Variants in RRM2B observed in about 807,000 individuals in gnomAD.
RRM2B encodes the protein ribonucleoside-diphosphate reductase subunit M2 B.
RRM2B carries 20 observed loss-of-function variants against 45.9 expected under a neutral mutation model. The observed-to-expected ratio is 0.44, with a 90% CI of 0.31 to 0.63. RRM2B has a LOEUF of 0.63. Ranked by LOEUF, RRM2B falls within the 30% of genes least tolerant of loss-of-function variation. RRM2B has a pLI of 0.09. For synonymous variants in RRM2B, 124 were observed against 132.3 expected, an observed-to-expected ratio of 0.94 and a Z score of 0.43; for missense variants, 320 against 414.7, an observed-to-expected ratio of 0.77 and a Z score of 1.98.
chr8:102,207,113 T>C lies in RRM2B; in HGVS notation c.*1020A>G, dbSNP rs1397771221. 1 of 152,218 alleles carries C rather than the reference T, an allele frequency of 6.6e-6. No homozygotes were observed. Among genetic ancestry groups the C allele is most frequent in the Non-Finnish European group, 1.5e-5 (1 of 68,028 alleles). 9.4% of individuals were successfully genotyped at this position (152,218 alleles called of 1,614,324 possible). ...GAGATGTTAACAGGTAAAAAACATC[T>C]GTGTTAAGTATGTTGGGAATATGCA... On this transcript the variant is annotated 3_prime_UTR_variant, in exon 9 of 9. Transcript: ENST00000251810.
intron 8 of RRM2B, among the ~76,000 whole-genome samples, chr8:102,212,528 C>T (rs1810652803): frequency 6.6e-6 from 1 of 152,146 alleles, no homozygotes; most frequent in South Asian, 2.1e-4. Flanking sequence ...ATTAAATATA[C>T]AGCTACAATT....
chr8:102,235,413 A>C (rs948060547), intron 1 of RRM2B, among the ~76,000 whole-genome samples: 1 of 152,208 alleles, frequency 6.6e-6, no homozygotes, highest in African/African-American at 2.4e-5. Context: ...TAAATAAATA[A>C]ATCAGACAAA....
At chr8:102,232,724 A>AC (rs11417581) in intron 1 of RRM2B, among the ~76,000 whole-genome samples, 85,666 of 151,980 alleles carry the variant, frequency 0.56, 24,854 homozygotes, top group African/African-American at 0.71. Context: ...CCTCTCTGAT[A>AC]AGATTGCTGG....
At chr8:102,223,683 G>A (rs915008663) in intron 5 of RRM2B, among the ~76,000 whole-genome samples, 1 of 129,178 alleles carries the variant, frequency 7.7e-6, no homozygotes, top group Non-Finnish European at 1.6e-5. Flanking sequence ...GTGACAGAGC[G>A]AGACTCCGTC....
chr8:102,214,249 G>T, intron 6 of RRM2B, 91 bp from the exon 7 acceptor site: 1 of 864,932 alleles, frequency 1.2e-6, no homozygotes. Context: ...AGTGGTTCTA[G>T]GAATATAACA....
intron 1 of RRM2B, among the ~76,000 whole-genome samples, chr8:102,237,225 G>T (rs978460017): frequency 6.6e-6 from 1 of 152,202 alleles, no homozygotes. Context: ...TTAACTCTGA[G>T]AAATTGACAA....
chr8:102,210,708 CT>C (rs2132541727), intron 8 of RRM2B, among the ~76,000 whole-genome samples: 2 of 152,254 alleles, frequency 1.3e-5, no homozygotes, highest in African/African-American at 4.8e-5. Flanking sequence ...GGTGATCCAC[CT>C]GCCTCAGCTT....
chr8:102,223,695 CAA>C (rs764014539), intron 5 of RRM2B, among the ~76,000 whole-genome samples: 98 of 74,680 alleles, frequency 1.3e-3, no homozygotes, highest in African/African-American at 2.5e-3. Context: ...GACTCCGTCT[CAA>C]AAAAAAAAAA....
chr8:102,214,377 G>C, intron 6 of RRM2B: 1 of 549,132 alleles, frequency 1.8e-6, no homozygotes. Context: ...GCAAATCTTA[G>C]TTCATCAACA....
At chr8:102,237,991 ATT>A (rs1053047163) in intron 1 of RRM2B, among the ~76,000 whole-genome samples, 3 of 152,212 alleles carry the variant, frequency 2.0e-5, no homozygotes, top group African/African-American at 4.8e-5. Context: ...TACAAAAAGC[ATT>A]TCTCTTGTCC....
intron 8 of RRM2B, among the ~76,000 whole-genome samples, chr8:102,211,848 T>C (rs1810641290): frequency 6.6e-6 from 1 of 152,210 alleles, no homozygotes; most frequent in South Asian, 2.1e-4. Context: ...CACTTGACTT[T>C]TTCATTAAGT....
At chr8:102,238,599 G>T in intron 1 of RRM2B, 1 of 1,527,100 alleles carries the variant, frequency 6.5e-7, no homozygotes, top group East Asian at 2.5e-5. Flanking sequence ...GGCTGGCCCC[G>T]GGGCAGAGCA....
intron 7 of RRM2B, 133 bp from the exon 8 acceptor site, chr8:102,213,022 C>A: frequency 1.5e-6 from 1 of 664,814 alleles, no homozygotes; most frequent in Non-Finnish European, 2.7e-6. Flanking sequence ...TAAATTCTTT[C>A]AATGTGGCAA....
intron 2 of RRM2B, among the ~76,000 whole-genome samples, chr8:102,229,594 GT>G (rs34779801): frequency 6.6e-6 from 1 of 151,520 alleles, no homozygotes; most frequent in Non-Finnish European, 1.5e-5. Context: ...AACCCCTCAG[GT>G]TTTTTTTCGG....
intron 8 of RRM2B, among the ~76,000 whole-genome samples, chr8:102,210,238 G>A (rs1187239343): frequency 6.6e-6 from 1 of 152,162 alleles, no homozygotes; most frequent in Non-Finnish European, 1.5e-5. Context: ...GGGTGTGGCT[G>A]AGTGAAATTC....
intron 2 of RRM2B, among the ~76,000 whole-genome samples, chr8:102,226,603 G>C (rs2607658): frequency 1.8e-4 from 28 of 151,938 alleles, no homozygotes; most frequent in Non-Finnish European, 3.8e-4. Flanking sequence ...TATATAATAT[G>C]TGCTATGGTG....
intron 2 of RRM2B, among the ~76,000 whole-genome samples, chr8:102,227,753 G>T: frequency 6.6e-6 from 1 of 152,210 alleles, no homozygotes; most frequent in Non-Finnish European, 1.5e-5. Flanking sequence ...AGCATGGTTG[G>T]GTTATTGGTG....
Position 102,228,035 on chromosome 8 carries a change from A to C in RRM2B, c.205-2001T>G, listed in dbSNP as rs908087597. The stretch of plus-strand genomic sequence containing the variant: ...ACTCCACCCTCAATCCTGGAACTGC[A>C]GCCCAAAGTGACATGTATTCCTGTT... On this transcript the variant is annotated intron_variant, in intron 2 of 8. Coordinates refer to ENST00000251810, the MANE Select transcript of RRM2B (RefSeq NM_015713.5). Among the ~76,000 whole-genome samples the C allele has an allele frequency of 1.3e-5, 2 of 152,198 alleles. 1 individual carries two copies.
intron 2 of RRM2B, among the ~76,000 whole-genome samples, chr8:102,231,281 T>C (rs901718067): frequency 1.3e-5 from 2 of 152,240 alleles, no homozygotes; most frequent in African/African-American, 4.8e-5. Context: ...TTTCTACAGC[T>C]GATCTATTAG....
Sources: allele counts gnomAD v4.1 joint callset (sites outside exome capture counted in the v4.1 genomes callset), GRCh38; gene constraint gnomAD v4.1.1; transcripts MANE v1.5; gene names NCBI Gene and HGNC (gene_info 2026-07-23, HGNC 2026-07-21).